Variants in TRRAP observed in about 807,000 individuals in gnomAD.
The protein encoded by TRRAP is transformation/transcription domain-associated protein.
TRRAP carries 41 observed loss-of-function variants against 438.8 expected under a neutral mutation model. The ratio of observed to expected loss-of-function variants is 0.09; its 90% CI spans 0.07 to 0.12. TRRAP has a LOEUF of 0.12. Ranked by LOEUF, TRRAP falls within the 10% of genes least tolerant of loss-of-function variation. The probability of loss-of-function intolerance (pLI) is 1.00; values close to 1 mark genes in which losing one functional copy is unlikely to be tolerated. For synonymous variants in TRRAP, 1,994 were observed against 1,962.9 expected (o/e 1.02, Z -0.42); for missense variants, 3,122 against 5,055.1 (o/e 0.62, Z 11.60).
At chr7:98,996,180 G>A (rs1186286511) in intron 67 of TRRAP, among the ~76,000 whole-genome samples, 2 of 151,608 alleles carry the variant, frequency 1.3e-5, no homozygotes, top group Non-Finnish European at 2.9e-5. Context: ...CCCCGCGTAT[G>A]CACTGTGTCC....
Position 98,883,430 on chromosome 7 carries a change from A to G in TRRAP, c.150+1406A>G, listed in dbSNP as rs111554928. On this transcript the variant is annotated intron_variant, in intron 3 of 72. Transcript: ENST00000456197. ...ATATTTACTGTATGAGGGCTGCTTTAAAGTCTTCTAGTATTAAAGCCAACA... is the reference window on the plus strand; with the variant it reads ...ATATTTACTGTATGAGGGCTGCTTTGAAGTCTTCTAGTATTAAAGCCAACA... Among the ~76,000 whole-genome samples the G allele has an allele frequency of 1.7e-3, 263 of 152,330 alleles. 2 individuals carry two copies. Among genetic ancestry groups the G allele is most frequent in the African/African-American group, 6.1e-3 (253 of 41,576 alleles).
chr7:98,996,982 C>G (rs1363764400), intron 67 of TRRAP, among the ~76,000 whole-genome samples: 2 of 151,686 alleles, frequency 1.3e-5, no homozygotes, highest in African/African-American at 4.8e-5. Flanking sequence ...AAAAAGGATT[C>G]CTCAATTTTC....
rs781327875 is a variant in TRRAP at position 99,012,092 on chromosome 7, G to A, written c.11359G>A (p.Val3787Ile). 1.2e-6 allele frequency: 2 copies of A among 1,613,696 alleles called. No individual in the cohort carries two copies. The highest frequency in any genetic ancestry group is 1.7e-6 in the Non-Finnish European group (2 of 1,179,630). The change falls in exon 73 of 73, where the codon GTT becomes ATT. Residue 3787 changes from valine to isoleucine, a missense_variant. Physicochemically the swap from Val to Ile is conservative, Grantham distance 29. This residue lies in a region of TRRAP where 192 missense variants were observed against 355.6 expected (regional missense o/e 0.54). Transcript: ENST00000456197. The surrounding 1 kb of genome is among the most constrained non-coding windows in gnomAD (Gnocchi z 5.9). ...GCAGGTGGATGGCATTCTGAAAACG[G>A]TTCTCCGGGACGAGATCATTGCTTG... is the stretch of plus-strand genomic sequence containing the variant. Reference protein sequence around the residue: ...NFKVDGILKTVLRDEIIAWHK... With the variant: ...NFKVDGILKTILRDEIIAWHK...
intron 63 of TRRAP, among the ~76,000 whole-genome samples, chr7:98,990,207 T>C (rs1171160752): frequency 2.0e-5 from 3 of 152,098 alleles, no homozygotes; most frequent in Non-Finnish European, 4.4e-5. Context: ...CAGTCCTGGG[T>C]GACAAAGCAA....
In TRRAP at chr7:98,911,239, G is replaced by A. The variant is rs1754381465; in HGVS notation, c.1975G>A (p.Val659Met). ...CTTCCAAACTACGGTCCCTTATATG[G>A]TGGAGAGAATCTCAAAAAATTATGC... ...EIFQTTVPYM[V>M]ERISKNYALQ... Residue 659 changes from valine to methionine, a missense_variant, in exon 17 of 73, where the codon GTG becomes ATG. This residue lies in a region of TRRAP where 149 missense variants were observed against 302.8 expected (regional missense o/e 0.49). Coordinates refer to ENST00000456197, the MANE Select transcript of TRRAP (RefSeq NM_001375524.1). 1 of 1,613,226 alleles carries A rather than the reference G, an allele frequency of 6.2e-7. No individual in the cohort carries two copies.
rs532629679 is a variant in TRRAP, at chr7:98,991,242, A to G, written c.9756+623A>G. 2.0e-5 allele frequency among the ~76,000 whole-genome samples: 3 copies of G among 152,346 alleles called. No individual in the cohort carries two copies. The South Asian group carries it at 6.2e-4, about 32-fold the overall frequency. ...GACCAGAAACGGCGGAAGCGTGGCTACAGTGAGGTTTGGGACACAGCGCCT... is the reference window on the plus strand; with the variant it reads ...GACCAGAAACGGCGGAAGCGTGGCTGCAGTGAGGTTTGGGACACAGCGCCT... On this transcript the variant is annotated intron_variant, in intron 64 of 72. Transcript: ENST00000456197.
intron 27 of TRRAP, among the ~76,000 whole-genome samples, chr7:98,933,698 C>T (rs1790429060): frequency 6.6e-6 from 1 of 152,384 alleles, no homozygotes; most frequent in Middle Eastern, 3.4e-3. Flanking sequence ...AAAGATGAAG[C>T]TGCACCCAGT....
chr7:98,948,586 G>A lies in TRRAP; in HGVS notation c.4689G>A (p.Glu1563=), dbSNP rs1467158815. ...TGCAGGCGGGGAGTCCATTCCGAGAGCCCCTGATCAAGTTCCTGACTCGAC... is the reference window on the plus strand; with the variant it reads ...TGCAGGCGGGGAGTCCATTCCGAGAACCCCTGATCAAGTTCCTGACTCGAC... ...MLIEAGSPFR[E]PLIKFLTRHP... Residue 1563 remains glutamate (E), a synonymous_variant, in exon 35 of 73, where the codon GAG becomes GAA. Transcript: ENST00000456197. The surrounding 1 kb of genome is among the most constrained non-coding windows in gnomAD (Gnocchi z 4.9). 13 of 1,614,038 alleles carry A rather than the reference G, an allele frequency of 8.1e-6. No homozygotes were observed. The highest frequency in any genetic ancestry group is 6.7e-5 in the African/African-American group (5 of 74,900).
intron 69 of TRRAP, among the ~76,000 whole-genome samples, chr7:99,006,786 T>A (rs1015447634): frequency 2.6e-5 from 4 of 152,248 alleles, no homozygotes; most frequent in Non-Finnish European, 5.9e-5. Context: ...CAACAAGATA[T>A]CTGAATATTC....
At chr7:98,931,276 C>T (rs946084181) in intron 25 of TRRAP, 129 bp from the exon 26 acceptor site, 2 of 1,380,724 alleles carry the variant, frequency 1.4e-6, no homozygotes, top group Admixed American at 2.3e-5. Context: ...GAAGTCACCT[C>T]ATTAAAGCAG....
chr7:98,963,521 G>A (rs1036637827), intron 47 of TRRAP, among the ~76,000 whole-genome samples: 6 of 152,140 alleles, frequency 3.9e-5, no homozygotes, highest in Non-Finnish European at 8.8e-5. Flanking sequence ...GGTGGGCCTA[G>A]GAAGTTGGCC....
intron 67 of TRRAP, among the ~76,000 whole-genome samples, chr7:99,001,990 A>G (rs773482170): frequency 2.9e-4 from 44 of 152,118 alleles, no homozygotes; most frequent in Non-Finnish European, 5.7e-4. Context: ...ACGTGGGTGA[A>G]CCTCCAGGAA....
rs1554413400 is a variant in TRRAP at position 98,933,318 on chromosome 7, G to A, written c.3930G>A (p.Glu1310=). The change falls in exon 27 of 73, where the codon GAG becomes GAA. Residue 1310 remains glutamate, a synonymous_variant. Coordinates refer to ENST00000456197, the MANE Select transcript of TRRAP (RefSeq NM_001375524.1). ...CCAACGCACAGATTGGCCTGATGGA[G>A]GGGAACACGTTCTGTACCACGTTGC... is the stretch of plus-strand genomic sequence containing the variant. ...QPANAQIGLM[E]GNTFCTTLQP... The A allele has an allele frequency of 6.2e-7, 1 of 1,614,190 alleles. No individual in the cohort carries two copies. The highest frequency in any genetic ancestry group is 8.5e-7 in the Non-Finnish European group (1 of 1,180,036).
intron 58 of TRRAP, among the ~76,000 whole-genome samples, chr7:98,979,320 C>T (rs1025090123): frequency 1.3e-5 from 2 of 152,198 alleles, no homozygotes; most frequent in East Asian, 1.9e-4. Context: ...TGATATAAAA[C>T]GGTGTAGTAT....
At chr7:98,966,134 G>A (rs955766628) in intron 49 of TRRAP, among the ~76,000 whole-genome samples, 2 of 151,940 alleles carry the variant, frequency 1.3e-5, no homozygotes, top group African/African-American at 2.4e-5. Flanking sequence ...GTGAAACCCC[G>A]TCTCTACTAA....
intron 40 of TRRAP, among the ~76,000 whole-genome samples, chr7:98,953,673 G>A (rs1791452123): frequency 6.6e-6 from 1 of 152,214 alleles, no homozygotes; most frequent in Non-Finnish European, 1.5e-5. Flanking sequence ...AGTATTGAAT[G>A]GTGCGGAGTT....
At chr7:98,935,138 G>GA (rs568619815) in intron 27 of TRRAP, among the ~76,000 whole-genome samples, 25 of 148,664 alleles carry the variant, frequency 1.7e-4, no homozygotes, top group Non-Finnish European at 2.7e-4. Context: ...TTCTGTACTT[G>GA]AAAAAAAAAA....
At chr7:98,885,489 G>T (rs1554403816) in intron 3 of TRRAP, among the ~76,000 whole-genome samples, 2 of 152,044 alleles carry the variant, frequency 1.3e-5, no homozygotes. Flanking sequence ...ATACATGTTA[G>T]TGGGGTTGAA....
intron 4 of TRRAP, among the ~76,000 whole-genome samples, chr7:98,892,198 TAC>T (rs1368036393): frequency 1.1e-4 from 17 of 152,342 alleles, no homozygotes; most frequent in African/African-American, 3.1e-4. Context: ...GTCGATTTGG[TAC>T]AGAGTTGTAG....
Sources: gnomAD v4.1 joint callset for allele counts (sites outside exome capture counted in the v4.1 genomes callset) on GRCh38, gnomAD v4.1.1 for gene constraint, gnomAD v4.1.1 regional missense constraint, Gnocchi (gnomAD v3.1) non-coding constraint, MANE v1.5 for transcripts, NCBI Gene and HGNC (gene_info 2026-07-23, HGNC 2026-07-21) for gene names.